The following PPP3CA variants were observed in gnomAD, a reference collection of about 807,000 sequenced individuals.
PPP3CA encodes the protein CAM-PRP catalytic subunit.
PPP3CA carries 14 observed loss-of-function variants against 66.5 expected under a neutral mutation model. The observed-to-expected ratio is 0.21, with a 90% CI of 0.14 to 0.33. The LOEUF (loss-of-function observed/expected upper bound fraction) is 0.33, where lower values mean the gene tolerates loss of function less well. Among genes scored for constraint, PPP3CA ranks in the 10% least tolerant of loss-of-function variants. The pLI, the probability that PPP3CA is intolerant of heterozygous loss-of-function variation, is 1.00. For missense variants in PPP3CA, 317 were observed against 639.5 expected (o/e 0.50, Z 5.44); for synonymous variants, 232 against 226.2 (o/e 1.03, Z -0.23).
At chr4:101,265,023 C>G (rs1727126741) in intron 1 of PPP3CA, among the ~76,000 whole-genome samples, 1 of 152,154 alleles carries the variant, frequency 6.6e-6, no homozygotes, top group Non-Finnish European at 1.5e-5. Context: ...AAAAACAATT[C>G]AGGAGAGAAA....
At chr4:101,148,014 A>G (rs1723022694) in intron 2 of PPP3CA, among the ~76,000 whole-genome samples, 1 of 152,180 alleles carries the variant, frequency 6.6e-6, no homozygotes, top group Admixed American at 6.5e-5. Flanking sequence ...CATATTGTAG[A>G]CAATAACAAT....
chr4:101,074,227 G>A (rs926959228), intron 8 of PPP3CA, among the ~76,000 whole-genome samples: 1 of 152,090 alleles, frequency 6.6e-6, no homozygotes, highest in Admixed American at 6.6e-5. Context: ...GTGCTGTGGT[G>A]GAAACAGATA....
intron 1 of PPP3CA, among the ~76,000 whole-genome samples, chr4:101,221,797 C>T (rs1160493397): frequency 6.6e-6 from 1 of 151,442 alleles, no homozygotes; most frequent in Non-Finnish European, 1.5e-5. Flanking sequence ...TATATAACAG[C>T]ATCATTTAGT....
In PPP3CA at chr4:101,051,086, C is replaced by A. The variant is rs574789999; in HGVS notation, c.1156+10001G>T. ...TGCAGTCAGAACAAAATAGACCACT[C>A]CAAAAAGATGCGGTTGATAAAATAG... On this transcript the variant is annotated intron_variant, in intron 10 of 13. Transcript: ENST00000394854. Among the ~76,000 whole-genome samples the A allele has an allele frequency of 1.0e-3, 156 of 151,994 alleles. 1 individual carries two copies. Among genetic ancestry groups the A allele is most frequent in the Non-Finnish European group, 1.7e-3 (115 of 67,962 alleles).
chr4:101,161,011 A>G (rs1723488634), intron 2 of PPP3CA, among the ~76,000 whole-genome samples: 1 of 152,148 alleles, frequency 6.6e-6, no homozygotes, highest in African/African-American at 2.4e-5. Flanking sequence ...TGCTGCCTAC[A>G]TGATGGTAGG....
At chr4:101,117,065 A>G (rs1721858092) in intron 2 of PPP3CA, among the ~76,000 whole-genome samples, 1 of 151,886 alleles carries the variant, frequency 6.6e-6, no homozygotes, top group South Asian at 2.1e-4. Flanking sequence ...ACAGATTAAT[A>G]GCAGTATTTT....
At chr4:101,165,158 C>A (rs1424610205) in intron 2 of PPP3CA, among the ~76,000 whole-genome samples, 2 of 152,070 alleles carry the variant, frequency 1.3e-5, no homozygotes, top group African/African-American at 4.8e-5. Context: ...ACAAACTCAG[C>A]AAAAGCAGTT....
At chr4:101,076,400 C>A (rs1427906778) in intron 8 of PPP3CA, among the ~76,000 whole-genome samples, 1 of 151,670 alleles carries the variant, frequency 6.6e-6, no homozygotes, top group Non-Finnish European at 1.5e-5. Flanking sequence ...TACCAAAAAG[C>A]CTCATGTGTC....
intron 1 of PPP3CA, among the ~76,000 whole-genome samples, chr4:101,267,227 T>C (rs1476332867): frequency 6.6e-6 from 1 of 152,202 alleles, no homozygotes; most frequent in Non-Finnish European, 1.5e-5. Context: ...AGAATATGCA[T>C]TAAATATAGA....
chr4:101,269,560 G>A (rs1275221391), intron 1 of PPP3CA, among the ~76,000 whole-genome samples: 1 of 92,202 alleles, frequency 1.1e-5, no homozygotes, highest in African/African-American at 3.9e-5. Context: ...GAACGTGTGT[G>A]TGTGTGTGTG....
intron 6 of PPP3CA, among the ~76,000 whole-genome samples, chr4:101,086,990 A>AT (rs1458872173): frequency 6.6e-6 from 1 of 152,168 alleles, no homozygotes; most frequent in Non-Finnish European, 1.5e-5. Flanking sequence ...GCAGCCTGCA[A>AT]TCCCCTGCCA....
chr4:101,240,550 G>A (rs979665327), intron 1 of PPP3CA, among the ~76,000 whole-genome samples: 1 of 152,066 alleles, frequency 6.6e-6, no homozygotes, highest in Non-Finnish European at 1.5e-5. Flanking sequence ...AATCTACAAT[G>A]TGGGAGGCTG....
At chr4:101,048,509 CAAA>C (rs59988569) in intron 10 of PPP3CA, among the ~76,000 whole-genome samples, 47 of 66,310 alleles carry the variant, frequency 7.1e-4, no homozygotes, top group Middle Eastern at 6.8e-3. Context: ...TTTCTCTCAC[CAAA>C]AAAAAAAAAA....
intron 1 of PPP3CA, among the ~76,000 whole-genome samples, chr4:101,328,830 A>G (rs939997645): frequency 4.6e-5 from 7 of 152,192 alleles, no homozygotes; most frequent in Middle Eastern, 3.4e-3. Flanking sequence ...GTTTTAAAGC[A>G]CCTCATGTCA....
chr4:101,285,388 C>T (rs1727807381), intron 1 of PPP3CA, among the ~76,000 whole-genome samples: 1 of 151,672 alleles, frequency 6.6e-6, no homozygotes, highest in Non-Finnish European at 1.5e-5. Context: ...CATCTAATAT[C>T]ACTAATCTGT....
chr4:101,221,782 A>C (rs1725632646), intron 1 of PPP3CA, among the ~76,000 whole-genome samples: 1 of 151,544 alleles, frequency 6.6e-6, no homozygotes, highest in South Asian at 2.1e-4. Flanking sequence ...ATTGTACAAA[A>C]ATAATATATA....
intron 1 of PPP3CA, among the ~76,000 whole-genome samples, chr4:101,341,061 G>T (rs367889657): frequency 2.0e-5 from 3 of 152,076 alleles, no homozygotes; most frequent in Admixed American, 6.6e-5. Flanking sequence ...AGAATTTGAT[G>T]TCTGCTAAAA....
chr4:101,311,651 G>A (rs1009514218), intron 1 of PPP3CA, among the ~76,000 whole-genome samples: 2 of 152,134 alleles, frequency 1.3e-5, no homozygotes, highest in African/African-American at 4.8e-5. Context: ...ATGGTGGCGT[G>A]TGTCTGTAAT....
intron 2 of PPP3CA, among the ~76,000 whole-genome samples, chr4:101,132,171 C>A (rs559728926): frequency 6.6e-6 from 1 of 152,242 alleles, no homozygotes; most frequent in East Asian, 1.9e-4. Flanking sequence ...AAAATCTACA[C>A]CCTAACATCA....
Sources: allele counts gnomAD v4.1 joint callset (sites outside exome capture counted in the v4.1 genomes callset), GRCh38; gene constraint gnomAD v4.1.1; transcripts MANE v1.5; gene names NCBI Gene and HGNC (gene_info 2026-07-23, HGNC 2026-07-21).